The following ATE1 variants were observed in gnomAD, a reference collection of about 807,000 sequenced individuals.
ATE1 encodes the protein arginyl-tRNA--protein transferase 1.
ATE1 carries 36 observed loss-of-function variants against 70.5 expected under a neutral mutation model. The ratio of observed to expected loss-of-function variants is 0.51; its 90% CI spans 0.39 to 0.67. The LOEUF (loss-of-function observed/expected upper bound fraction) is 0.67. Among genes scored for constraint, ATE1 ranks in the 30% least tolerant of loss-of-function variants. ATE1 has a pLI of 0.00. For missense variants in ATE1, 593 were observed against 629.5 expected (o/e 0.94, Z 0.62); for synonymous variants, 232 against 219.3 (o/e 1.06, Z -0.51).
chr10:121,877,343 A>C (rs1313316082), intron 7 of ATE1, among the ~76,000 whole-genome samples: 1 of 152,236 alleles, frequency 6.6e-6, no homozygotes, highest in East Asian at 1.9e-4. Flanking sequence ...AATTTTATAC[A>C]AGAGAAATCT....
chr10:121,805,813 A>C (rs1041073389), intron 10 of ATE1, among the ~76,000 whole-genome samples: 5 of 152,238 alleles, frequency 3.3e-5, no homozygotes, highest in African/African-American at 1.2e-4. Flanking sequence ...CAAGATATTC[A>C]GTCTCCAAGT....
At chr10:121,772,608 C>T (rs1945567768) in intron 11 of ATE1, among the ~76,000 whole-genome samples, 2 of 152,130 alleles carry the variant, frequency 1.3e-5, no homozygotes, top group South Asian at 2.1e-4. Context: ...TCCAGAGAGG[C>T]GAGGAATCCA....
At chr10:121,757,832 G>A (rs1944870689) in intron 11 of ATE1, among the ~76,000 whole-genome samples, 1 of 152,190 alleles carries the variant, frequency 6.6e-6, no homozygotes, top group Non-Finnish European at 1.5e-5. Context: ...AAAAATGCTA[G>A]TGCTAAACTG....
At chr10:121,861,703 A>T (rs1949476748) in intron 8 of ATE1, among the ~76,000 whole-genome samples, 1 of 151,108 alleles carries the variant, frequency 6.6e-6, no homozygotes, top group African/African-American at 2.4e-5. Context: ...TACATACGTA[A>T]CTAACCTGCA....
At chr10:121,778,172 C>T (rs979185850) in intron 11 of ATE1, among the ~76,000 whole-genome samples, 5 of 152,160 alleles carry the variant, frequency 3.3e-5, no homozygotes, top group Non-Finnish European at 5.9e-5. Context: ...AACTGCACAC[C>T]CACAAATTGG....
intron 7 of ATE1, among the ~76,000 whole-genome samples, chr10:121,879,837 A>C (rs934579595): frequency 2.6e-5 from 4 of 152,212 alleles, no homozygotes; most frequent in Non-Finnish European, 4.4e-5. Flanking sequence ...ATGTCCTCCA[A>C]GCACTAGCTT....
chr10:121,909,814 G>A (rs533786737), intron 5 of ATE1, among the ~76,000 whole-genome samples: 1 of 152,236 alleles, frequency 6.6e-6, no homozygotes, highest in Non-Finnish European at 1.5e-5. Flanking sequence ...TGGGAGGCGA[G>A]GGTGGGAGGA....
At chr10:121,860,531 A>G (rs988414287) in intron 8 of ATE1, among the ~76,000 whole-genome samples, 1 of 152,260 alleles carries the variant, frequency 6.6e-6, no homozygotes, top group Admixed American at 6.5e-5. Context: ...CCCAACATTC[A>G]CAACTTAATA....
At chr10:121,925,482 G>A (rs910299882) in intron 1 of ATE1, among the ~76,000 whole-genome samples, 13 of 151,674 alleles carry the variant, frequency 8.6e-5, no homozygotes, top group African/African-American at 2.9e-4. Context: ...CAAGGAACAG[G>A]AAGATGATTA....
chr10:121,789,775 T>G (rs1946360984), intron 11 of ATE1, among the ~76,000 whole-genome samples: 1 of 152,146 alleles, frequency 6.6e-6, no homozygotes, highest in Non-Finnish European at 1.5e-5. Context: ...CATGAAACCA[T>G]CCTACAACTT....
intron 7 of ATE1, among the ~76,000 whole-genome samples, chr10:121,894,856 G>A (rs1036049255): frequency 3.3e-5 from 5 of 152,096 alleles, no homozygotes; most frequent in African/African-American, 9.6e-5. Flanking sequence ...AGCCGAGATC[G>A]CACCGCTGCA....
At chr10:121,880,821 G>C (rs879451585) in intron 7 of ATE1, among the ~76,000 whole-genome samples, 2 of 152,040 alleles carry the variant, frequency 1.3e-5, no homozygotes, top group East Asian at 1.9e-4. Flanking sequence ...GTTTAGACTA[G>C]CCATCAAAAG....
At position 121,911,029 on chromosome 10, in the gene ATE1, C is replaced by T. The variant is rs2134429593; in HGVS notation, c.460G>A (p.Glu154Lys). 6.2e-7 allele frequency: 1 copy of T among 1,613,990 alleles called. No individual in the cohort carries two copies. The highest frequency in any genetic ancestry group is 2.2e-5 in the East Asian group (1 of 44,868). Reference protein sequence around the residue: ...SDDIKESLESEGKNSKKEEPQ... With the variant: ...SDDIKESLESKGKNSKKEEPQ... ...TCTTCTTTCTTTGAATTTTTTCCTTCACTCTCTAAACTCTCTTTGATGTCA... is the reference window on the plus strand; with the variant it reads ...TCTTCTTTCTTTGAATTTTTTCCTTTACTCTCTAAACTCTCTTTGATGTCA... The change falls in exon 5 of 12, where the codon GAA becomes AAA. Residue 154 changes from glutamate to lysine, a missense_variant. Glu to Lys is a moderately conservative substitution (Grantham distance 56). Coordinates refer to ENST00000224652, the MANE Select transcript of ATE1 (RefSeq NM_001001976.3).
At chr10:121,803,696 A>G (rs1946984220) in intron 10 of ATE1, among the ~76,000 whole-genome samples, 1 of 152,230 alleles carries the variant, frequency 6.6e-6, no homozygotes. Flanking sequence ...GTCTCTAACT[A>G]ATCATATCTC....
At chr10:121,756,814 T>C (rs1441417882) in intron 11 of ATE1, among the ~76,000 whole-genome samples, 1 of 152,190 alleles carries the variant, frequency 6.6e-6, no homozygotes, top group Non-Finnish European at 1.5e-5. Flanking sequence ...TTTTTCCTCC[T>C]AGGTCTCCAG....
chr10:121,806,336 C>G (rs964126641), intron 10 of ATE1, among the ~76,000 whole-genome samples: 8 of 152,024 alleles, frequency 5.3e-5, no homozygotes, highest in Non-Finnish European at 1.0e-4. Context: ...GCCTGCACTC[C>G]CAGCTACTTG....
At chr10:121,762,245 T>C (rs1480540173) in intron 11 of ATE1, among the ~76,000 whole-genome samples, 1 of 152,230 alleles carries the variant, frequency 6.6e-6, no homozygotes, top group Non-Finnish European at 1.5e-5. Flanking sequence ...TTCTCCCTTC[T>C]TTACCTATTA....
At chr10:121,896,860 C>T (rs1228843396) in intron 7 of ATE1, among the ~76,000 whole-genome samples, 4 of 149,298 alleles carry the variant, frequency 2.7e-5, no homozygotes, top group African/African-American at 9.8e-5. Flanking sequence ...AGCCTCATCC[C>T]CTATTACCTC....
intron 7 of ATE1, among the ~76,000 whole-genome samples, chr10:121,887,171 G>A: frequency 1.0e-5 from 1 of 96,156 alleles, no homozygotes; most frequent in Non-Finnish European, 2.3e-5. Flanking sequence ...AGAGCAAAGG[G>A]TTCTCGATCT....
Sources: gnomAD v4.1 joint callset for allele counts (sites outside exome capture counted in the v4.1 genomes callset) on GRCh38, gnomAD v4.1.1 for gene constraint, MANE v1.5 for transcripts, NCBI Gene and HGNC (gene_info 2026-07-23, HGNC 2026-07-21) for gene names.